The following SCNN1B variants were observed in gnomAD, a reference collection of about 807,000 sequenced individuals.
The protein encoded by SCNN1B is epithelial sodium channel subunit beta.
SCNN1B carries 46 observed loss-of-function variants against 65.3 expected under a neutral mutation model. That is an observed-to-expected ratio of 0.70 (90% CI 0.56 to 0.90). SCNN1B has a LOEUF of 0.90. Among genes scored for constraint, SCNN1B ranks in the 40% least tolerant of loss-of-function variants. SCNN1B has a pLI of 0.00. For synonymous variants in SCNN1B, 349 were observed against 330.6 expected (o/e 1.06, Z -0.60); for missense variants, 751 against 830.5 (o/e 0.90, Z 1.18).
chr16:23,311,069 G>T (rs577933336), intron 1 of SCNN1B, among the ~76,000 whole-genome samples: 1 of 152,230 alleles, frequency 6.6e-6, no homozygotes, highest in Non-Finnish European at 1.5e-5. Context: ...AGGGCGGTTC[G>T]GCAAACATGT....
intron 8 of SCNN1B, 115 bp downstream of exon 8, chr16:23,375,970 G>T: frequency 1.3e-6 from 1 of 763,002 alleles, no homozygotes; most frequent in Non-Finnish European, 2.3e-6. Context: ...TGTGCCCAGG[G>T]TGGCTCCTCC....
chr16:23,342,810 A>G (rs1315770996), intron 1 of SCNN1B, among the ~76,000 whole-genome samples: 1 of 152,230 alleles, frequency 6.6e-6, no homozygotes, highest in Non-Finnish European at 1.5e-5. Context: ...AGGCAAATCT[A>G]GAGAGACAGA....
At chr16:23,307,521 T>G (rs1021479822) in intron 1 of SCNN1B, among the ~76,000 whole-genome samples, 1 of 152,168 alleles carries the variant, frequency 6.6e-6, no homozygotes, top group African/African-American at 2.4e-5. Flanking sequence ...GGTTTCACCA[T>G]GTTGGCCAAG....
intron 1 of SCNN1B, among the ~76,000 whole-genome samples, chr16:23,325,156 G>A (rs1240430404): frequency 6.6e-6 from 1 of 152,194 alleles, no homozygotes; most frequent in Non-Finnish European, 1.5e-5. Context: ...TCCCCAGCAG[G>A]ACAGGTCCAG....
chr16:23,286,387 A>T lies in SCNN1B; in HGVS notation n.178+2583A>T, dbSNP rs78311284. Among the ~76,000 whole-genome samples the T allele has an allele frequency of 2.0e-5, 3 of 152,310 alleles. No individual in the cohort carries two copies. The East Asian group carries it at 5.8e-4, about 29-fold the overall frequency. ...TCACAAGCAGCCAAGTCATCAGGCC[A>T]TAGAGAACTTACTGGTTCTGAGAGA... On this transcript the variant is annotated intron_variant and non_coding_transcript_variant, in intron 2 of 3. Transcript: ENST00000569789.
chr16:23,287,825 T>A (rs1960871420), intron 2 of SCNN1B, among the ~76,000 whole-genome samples: 1 of 150,932 alleles, frequency 6.6e-6, no homozygotes, highest in Non-Finnish European at 1.5e-5. Flanking sequence ...TTTTTTTTTT[T>A]AAGAGATGGG....
intron 2 of SCNN1B, among the ~76,000 whole-genome samples, chr16:23,285,330 A>G (rs908985341): frequency 6.6e-6 from 1 of 152,054 alleles, no homozygotes; most frequent in African/African-American, 2.4e-5. Context: ...GCACCACCAC[A>G]CCCAGCTAAT....
In SCNN1B at chr16:23,331,111, C is replaced by T. The variant is rs147177364; in HGVS notation, c.-8-17481C>T. On this transcript the variant is annotated intron_variant, in intron 1 of 12. Coordinates refer to ENST00000343070, the MANE Select transcript of SCNN1B (RefSeq NM_000336.3). ...TGGGCACAGCCGAGCTGCATTGAGC[C>T]CACAGGAGGGCAGGGCTGTGTTGAA... is the stretch of plus-strand genomic sequence containing the variant. Among the ~76,000 whole-genome samples, 26 of 152,284 alleles carry T rather than the reference C, an allele frequency of 1.7e-4. No individual in the cohort carries two copies. The East Asian group carries it at 4.4e-3, about 26-fold the overall frequency.
chr16:23,320,876 C>G (rs1030331067), intron 1 of SCNN1B, among the ~76,000 whole-genome samples: 6 of 152,312 alleles, frequency 3.9e-5, no homozygotes, highest in African/African-American at 9.6e-5. Flanking sequence ...TCTCTTGGGT[C>G]AGGCTGGGCC....
rs974067274 is a variant in SCNN1B, at chr16:23,380,565, C to T, written c.1687C>T (p.Arg563Trp). The change falls in exon 13 of 13, where the codon CGG (arginine) becomes TGG (tryptophan). Residue 563 changes from arginine (R) to tryptophan (W), a missense_variant. Transcript: ENST00000343070. The surrounding 1 kb of genome is among the most constrained non-coding windows in gnomAD (Gnocchi z 5.4). ...GCTGGTGGCCTTGGCCAAGAGCCTA[C>T]GGCAGCGGCGAGCCCAAGCCAGCTA... is the stretch of plus-strand genomic sequence containing the variant. ...IKLVALAKSL[R>W]QRRAQASYAG... The T allele has an allele frequency of 1.2e-5, 20 of 1,614,064 alleles. No homozygotes were observed. Among genetic ancestry groups the T allele is most frequent in the East Asian group, 2.2e-5 (1 of 44,896 alleles).
At chr16:23,368,059 G>GT (rs1962709213) in intron 5 of SCNN1B, 100 bp downstream of exon 5, 1 of 957,338 alleles carries the variant, frequency 1.0e-6, no homozygotes, top group African/African-American at 1.6e-5. Context: ...GGGACTGAGG[G>GT]GGGACCAAGG....
rs1191618996 is a variant in SCNN1B, at chr16:23,293,114, C to CAAAAAAAAA, written n.178+9330_178+9338dup. Among the ~76,000 whole-genome samples, 86 of 34,176 alleles carry CAAAAAAAAA rather than the reference C, an allele frequency of 2.5e-3. 5 individuals are homozygous for CAAAAAAAAA. Among genetic ancestry groups the CAAAAAAAAA allele is most frequent in the East Asian group, 3.0e-3 (2 of 664 alleles). The allele number at this position is 34,176 out of a possible 152,430, so 22.4% of individuals were successfully genotyped here. On this transcript the variant is annotated intron_variant and non_coding_transcript_variant, in intron 2 of 3. Coordinates refer to the SCNN1B transcript ENST00000569789. ...TGGGCAATACAGGGAGACTCATTCT[C>CAAAAAAAAA]AAAAAAAAAAAAAAAAAAAAAAAAA...
At chr16:23,329,094 C>T (rs1007686589) in intron 1 of SCNN1B, among the ~76,000 whole-genome samples, 4 of 145,166 alleles carry the variant, frequency 2.8e-5, no homozygotes, top group Non-Finnish European at 4.5e-5. Context: ...GCCACCATGC[C>T]TAGCTTGTTT....
At chr16:23,287,652 A>C (rs1253463971) in intron 2 of SCNN1B, among the ~76,000 whole-genome samples, 1 of 152,026 alleles carries the variant, frequency 6.6e-6, no homozygotes, top group Non-Finnish European at 1.5e-5. Flanking sequence ...ATGAGGAAGG[A>C]GGATCACCTG....
chr16:23,338,751 T>C (rs1408719181), intron 1 of SCNN1B, among the ~76,000 whole-genome samples: 1 of 152,188 alleles, frequency 6.6e-6, no homozygotes, highest in Admixed American at 6.5e-5. Flanking sequence ...AACATGGTCA[T>C]GCGGGGACAA....
chr16:23,309,510 T>C (rs563044338), intron 1 of SCNN1B, among the ~76,000 whole-genome samples: 48 of 152,302 alleles, frequency 3.2e-4, no homozygotes, highest in Middle Eastern at 3.4e-3. Context: ...CAATAGGCTG[T>C]TTGCAAGCTG....
At chr16:23,350,785 T>C (rs920073219) in intron 2 of SCNN1B, among the ~76,000 whole-genome samples, 3 of 152,068 alleles carry the variant, frequency 2.0e-5, no homozygotes, top group Non-Finnish European at 4.4e-5. Flanking sequence ...TGCTGGCACA[T>C]GCCTGTAAAC....
chr16:23,336,194 G>T (rs533836768), intron 1 of SCNN1B, among the ~76,000 whole-genome samples: 2 of 152,244 alleles, frequency 1.3e-5, no homozygotes, highest in East Asian at 3.9e-4. Context: ...GTCCCTCTGT[G>T]CTCTAAATTC....
chr16:23,300,656 CA>C (rs1471631566), upstream of SCNN1B, among the ~76,000 whole-genome samples: 1 of 151,932 alleles, frequency 6.6e-6, no homozygotes, highest in Non-Finnish European at 1.5e-5. Flanking sequence ...GGTAACACAG[CA>C]AGACTTTGTC....
Sources: allele counts gnomAD v4.1 joint callset (sites outside exome capture counted in the v4.1 genomes callset), GRCh38; gene constraint gnomAD v4.1.1; non-coding constraint Gnocchi (gnomAD v3.1); transcripts MANE v1.5; gene names NCBI Gene and HGNC (gene_info 2026-07-23, HGNC 2026-07-21).